ABCA13: variants seen among roughly 807,000 people sequenced by gnomAD.
ABCA13 encodes ATP-binding cassette sub-family A member 13.
Under a neutral mutation model 478.7 loss-of-function variants are expected in ABCA13, and 476 were observed. The observed-to-expected ratio is 0.99, with a 90% CI of 0.92 to 1.07. The LOEUF (loss-of-function observed/expected upper bound fraction) is 1.07. ABCA13 is among the 50% of genes least tolerant of loss of function. ABCA13 has a pLI of 0.00. For missense variants in ABCA13, 6,060 were observed against 5,910.6 expected, an observed-to-expected ratio of 1.03 and a Z score of -0.83; for synonymous variants, 2,252 against 2,158.9, an observed-to-expected ratio of 1.04 and a Z score of -1.20.
intron 20 of ABCA13, among the ~76,000 whole-genome samples, chr7:48,289,512 G>A (rs1394968786): frequency 6.6e-6 from 1 of 151,886 alleles, no homozygotes; most frequent in East Asian, 1.9e-4. Flanking sequence ...GTGCCAGCCA[G>A]CACGCCTGGC....
intron 15 of ABCA13, among the ~76,000 whole-genome samples, chr7:48,254,777 G>T (rs1050670581): frequency 6.6e-6 from 1 of 152,140 alleles, no homozygotes; most frequent in African/African-American, 2.4e-5. Context: ...CCTTCTGGGG[G>T]TATCAAGCTA....
chr7:48,615,252 T>C (rs1792451164), intron 58 of ABCA13, 33 bp from the exon 59 acceptor site: 1 of 1,404,490 alleles, frequency 7.1e-7, no homozygotes, highest in Non-Finnish European at 9.5e-7. Flanking sequence ...CTTCAGGAAA[T>C]GGCTCATTTT....
rs17547830 is a variant in ABCA13, at chr7:48,273,913, A to G, written c.4247A>G (p.His1416Arg). 0.32 allele frequency: 516,311 copies of G among 1,611,912 alleles called. 88,008 individuals are homozygous for G. Among genetic ancestry groups the G allele is most frequent in the Middle Eastern group, 0.4 (2,451 of 6,054 alleles). The part of the protein sequence containing the change: ...LLSNSSFSQG[H>R]LQNILGNFRD... ...TCTAACTCCAGTTTTTCACAAGGTC[A>G]TCTTCAAAATATTTTGGGGAATTTC... The change falls in exon 17 of 62, where the codon CAT (histidine) becomes CGT (arginine). Residue 1416 changes from histidine to arginine, a missense_variant. Physicochemically the swap from His to Arg is conservative, Grantham distance 29. Coordinates refer to ENST00000435803, the MANE Select transcript of ABCA13 (RefSeq NM_152701.5).
chr7:48,485,618 A>T (rs1171765876), intron 47 of ABCA13, among the ~76,000 whole-genome samples: 1 of 152,242 alleles, frequency 6.6e-6, no homozygotes, highest in Non-Finnish European at 1.5e-5. Flanking sequence ...GTTCCAGAAC[A>T]TTTTAAAATC....
chr7:48,256,160 T>C (rs915777772), intron 15 of ABCA13, among the ~76,000 whole-genome samples: 2 of 152,102 alleles, frequency 1.3e-5, no homozygotes, highest in African/African-American at 2.4e-5. Flanking sequence ...TTTTTGCTTG[T>C]TGGTTTTTTA....
At chr7:48,443,408 C>T (rs1308193292) in intron 42 of ABCA13, among the ~76,000 whole-genome samples, 1 of 152,168 alleles carries the variant, frequency 6.6e-6, no homozygotes, top group African/African-American at 2.4e-5. Context: ...AGCTGGCCCC[C>T]ACGGGCACTG....
chr7:48,309,869 G>C (rs1801499592), intron 23 of ABCA13, 78 bp from the exon 24 acceptor site: 1 of 1,534,728 alleles, frequency 6.5e-7, no homozygotes, highest in Non-Finnish European at 8.9e-7. Flanking sequence ...ACTCCCTGCC[G>C]ATGAAGCTCC....
chr7:48,331,144 T>C lies in ABCA13; in HGVS notation c.10000-4278T>C, dbSNP rs188029564. Among the ~76,000 whole-genome samples the C allele has an allele frequency of 8.4e-3, 1,273 of 152,318 alleles. 15 individuals carry two copies. The highest frequency in any genetic ancestry group is 0.029 in the African/African-American group (1,220 of 41,568). On this transcript the variant is annotated intron_variant, in intron 27 of 61. Transcript: ENST00000435803. Reference sequence around the variant, plus strand: ...AACAAATAAACCCAGAGCTAATATCTTGTGCTATGACCTAGTCACATTCTT... The same window carrying C: ...AACAAATAAACCCAGAGCTAATATCCTGTGCTATGACCTAGTCACATTCTT...
chr7:48,626,498 A>G, intron 59 of ABCA13: 7 of 457,142 alleles, frequency 1.5e-5, no homozygotes, highest in Non-Finnish European at 2.0e-5. Context: ...GGGAAATATT[A>G]ATTCTAAGGT....
At chr7:48,375,650 A>G (rs1813361445) in intron 34 of ABCA13, among the ~76,000 whole-genome samples, 1 of 152,020 alleles carries the variant, frequency 6.6e-6, no homozygotes, top group African/African-American at 2.4e-5. Context: ...AGGTAAAACC[A>G]TGCTATAAGT....
At chr7:48,543,834 C>T (rs770610787) in intron 55 of ABCA13, among the ~76,000 whole-genome samples, 1 of 150,480 alleles carries the variant, frequency 6.6e-6, no homozygotes, top group South Asian at 2.1e-4. Flanking sequence ...AAAGTGGACA[C>T]TGTTATATGC....
intron 24 of ABCA13, among the ~76,000 whole-genome samples, chr7:48,310,685 G>A (rs538319180): frequency 6.6e-6 from 1 of 152,246 alleles, no homozygotes; most frequent in South Asian, 2.1e-4. Flanking sequence ...TGCCGGCTCT[G>A]ACAAGCATGA....
intron 58 of ABCA13, among the ~76,000 whole-genome samples, chr7:48,613,986 A>G (rs2131557556): frequency 6.7e-6 from 1 of 148,646 alleles, no homozygotes; most frequent in South Asian, 2.1e-4. Context: ...ATTATGCACC[A>G]TATTAAAATA....
chr7:48,502,411 T>C (rs1409301589), intron 48 of ABCA13, among the ~76,000 whole-genome samples: 3 of 152,200 alleles, frequency 2.0e-5, no homozygotes, highest in Non-Finnish European at 4.4e-5. Flanking sequence ...TAAGAAAAGG[T>C]ATTTATGCGA....
intron 10 of ABCA13, among the ~76,000 whole-genome samples, chr7:48,241,955 C>T (rs1790894902): frequency 6.6e-6 from 1 of 152,150 alleles, no homozygotes; most frequent in East Asian, 1.9e-4. Flanking sequence ...GGCAGAAATA[C>T]AGTTCCCTAT....
chr7:48,231,739 G>T (rs894519483), intron 7 of ABCA13, among the ~76,000 whole-genome samples: 1 of 152,096 alleles, frequency 6.6e-6, no homozygotes, highest in African/African-American at 2.4e-5. Flanking sequence ...TTGGCTCATT[G>T]CAACCTCTGC....
At chr7:48,260,189 A>G (rs1793980695) in intron 15 of ABCA13, among the ~76,000 whole-genome samples, 1 of 152,008 alleles carries the variant, frequency 6.6e-6, no homozygotes, top group African/African-American at 2.4e-5. Flanking sequence ...AGACAATCTG[A>G]CTTTTTGAGT....
At chr7:48,433,018 A>G (rs1338923642) in intron 42 of ABCA13, among the ~76,000 whole-genome samples, 1 of 152,106 alleles carries the variant, frequency 6.6e-6, no homozygotes, top group Non-Finnish European at 1.5e-5. Flanking sequence ...AGCTCGGTTT[A>G]GCCGCTTCAC....
At chr7:48,183,885 C>T (rs1000838687) in intron 1 of ABCA13, among the ~76,000 whole-genome samples, 2 of 152,076 alleles carry the variant, frequency 1.3e-5, no homozygotes, top group Non-Finnish European at 2.9e-5. Context: ...ATTGAGCATA[C>T]CTCTTGGTTC....
Sources: allele counts gnomAD v4.1 joint callset (sites outside exome capture counted in the v4.1 genomes callset), GRCh38; gene constraint gnomAD v4.1.1; transcripts MANE v1.5; gene names NCBI Gene and HGNC (gene_info 2026-07-23, HGNC 2026-07-21).